Variants in ITGB5 observed in about 807,000 individuals in gnomAD.
ITGB5 encodes the protein integrin beta-5.
A neutral mutation model predicts 84.8 loss-of-function variants in ITGB5; 38 were observed. That is an observed-to-expected ratio of 0.45 (90% confidence interval 0.35 to 0.59). The LOEUF (loss-of-function observed/expected upper bound fraction) is 0.59. ITGB5 is among the 20% of genes least tolerant of loss of function. The pLI, the probability that ITGB5 is intolerant of heterozygous loss-of-function variation, is 0.01. For synonymous variants in ITGB5, 393 were observed against 414.4 expected, an observed-to-expected ratio of 0.95 and a Z score of 0.63; for missense variants, 905 against 1,034.5, an observed-to-expected ratio of 0.87 and a Z score of 1.72.
At chr3:124,831,002 AC>A in intron 5 of ITGB5, among the ~76,000 whole-genome samples, 1 of 152,256 alleles carries the variant, frequency 6.6e-6, no homozygotes, top group South Asian at 2.1e-4. Flanking sequence ...AACAACAACA[AC>A]AACAAAAAAA....
chr3:124,858,059 G>A (rs1360831364), intron 3 of ITGB5, among the ~76,000 whole-genome samples: 19 of 151,388 alleles, frequency 1.3e-4, no homozygotes, highest in African/African-American at 3.2e-4. Flanking sequence ...TCTTGAACCC[G>A]GGAGGTGAAG....
chr3:124,823,846 A>G (rs1049482038), intron 5 of ITGB5, among the ~76,000 whole-genome samples: 5 of 152,168 alleles, frequency 3.3e-5, no homozygotes, highest in African/African-American at 1.2e-4. Flanking sequence ...CTGTTATCCA[A>G]AAGGGCACAG....
At chr3:124,824,381 T>G (rs2064752755) in intron 5 of ITGB5, among the ~76,000 whole-genome samples, 1 of 152,168 alleles carries the variant, frequency 6.6e-6, no homozygotes, top group Non-Finnish European at 1.5e-5. Flanking sequence ...ACACAAAAAT[T>G]AACTCAAAGT....
At chr3:124,814,737 C>T (rs1037479583) in intron 8 of ITGB5, among the ~76,000 whole-genome samples, 2 of 152,144 alleles carry the variant, frequency 1.3e-5, no homozygotes, top group Admixed American at 6.5e-5. Context: ...TGAGCCACCA[C>T]GCCTGGTCAT....
chr3:124,865,455 G>GT (rs1355909109), intron 2 of ITGB5, among the ~76,000 whole-genome samples: 1 of 144,948 alleles, frequency 6.9e-6, no homozygotes, highest in Non-Finnish European at 1.5e-5. Context: ...GCAATAGAAA[G>GT]TTGAAGTGTC....
chr3:124,812,286 T>G (rs1343192951), intron 8 of ITGB5, among the ~76,000 whole-genome samples: 2 of 152,222 alleles, frequency 1.3e-5, no homozygotes, highest in Non-Finnish European at 2.9e-5. Flanking sequence ...CACTCCTTAG[T>G]TCTCCAGTAG....
intron 9 of ITGB5, among the ~76,000 whole-genome samples, chr3:124,797,079 C>T (rs1229115946): frequency 2.0e-5 from 3 of 152,228 alleles, no homozygotes; most frequent in Non-Finnish European, 4.4e-5. Flanking sequence ...ATCCCCATGA[C>T]CCTGAGGAAA....
chr3:124,820,294 A>C (rs987195262), intron 6 of ITGB5, among the ~76,000 whole-genome samples: 4 of 152,108 alleles, frequency 2.6e-5, no homozygotes, highest in Non-Finnish European at 5.9e-5. Context: ...AGGTCTGCCA[A>C]CATCCCCCAC....
At chr3:124,816,385 G>A (rs1210931173) in intron 8 of ITGB5, among the ~76,000 whole-genome samples, 1 of 152,230 alleles carries the variant, frequency 6.6e-6, no homozygotes, top group Non-Finnish European at 1.5e-5. Flanking sequence ...ACAGATGTGT[G>A]ATGCCGTACT....
In ITGB5 at chr3:124,856,590, T is replaced by C. The variant is rs146470472; in HGVS notation, c.361+2652A>G. 1.2e-3 allele frequency among the ~76,000 whole-genome samples: 184 copies of C among 152,146 alleles called. 1 individual carries two copies. The highest frequency in any genetic ancestry group is 4.2e-3 in the African/African-American group (176 of 41,512). On this transcript the variant is annotated intron_variant, in intron 3 of 14. Transcript: ENST00000296181. ...TACATTATGATAAGTATATGAAAAA[T>C]ACAAAAAGGTGAATAATACAGAGGA...
At position 124,806,495 on chromosome 3, in the gene ITGB5, G is replaced by A. The variant is rs1440794890; in HGVS notation, c.1263+2527C>T. Among the ~76,000 whole-genome samples, 5 of 140,302 alleles carry A rather than the reference G, an allele frequency of 3.6e-5. No individual in the cohort carries two copies. In the South Asian group the frequency reaches 7.2e-4, roughly 20 times the overall value. 92.0% of individuals were successfully genotyped at this position (140,302 alleles called of 152,430 possible). A position where few individuals can be genotyped will look rare whatever the true frequency, so the allele number is the denominator to read the frequency against. On this transcript the variant is annotated intron_variant, in intron 9 of 14. Transcript: ENST00000296181. The stretch of plus-strand genomic sequence containing the variant: ...GTCGCCCAGGCTGGAGTGCAGTGGC[G>A]CGATCTCGGCTCACTGCAAGCTCCG...
At chr3:124,863,435 A>T (rs1235141516) in intron 2 of ITGB5, 1 of 152,234 alleles carries the variant, frequency 6.6e-6, no homozygotes, top group Non-Finnish European at 1.5e-5. Context: ...CAAGAAAAGG[A>T]ACTGAGAGTG....
chr3:124,793,886 C>T (rs940033860), intron 10 of ITGB5, among the ~76,000 whole-genome samples: 5 of 152,234 alleles, frequency 3.3e-5, no homozygotes, highest in Admixed American at 6.5e-5. Flanking sequence ...CAGTTTTAGA[C>T]ATGCTGGTCC....
intron 5 of ITGB5, among the ~76,000 whole-genome samples, chr3:124,836,334 G>A (rs1159767506): frequency 6.6e-6 from 1 of 151,834 alleles, no homozygotes; most frequent in African/African-American, 2.4e-5. Context: ...TGGCCAACAT[G>A]GACAAACCAT....
At chr3:124,782,316 A>G (rs2064017076) in intron 10 of ITGB5, among the ~76,000 whole-genome samples, 1 of 152,218 alleles carries the variant, frequency 6.6e-6, no homozygotes, top group South Asian at 2.1e-4. Flanking sequence ...CTGTTTGACC[A>G]GAAGCCCATA....
intron 8 of ITGB5, among the ~76,000 whole-genome samples, chr3:124,812,241 T>C (rs1448565488): frequency 6.6e-6 from 1 of 152,172 alleles, no homozygotes; most frequent in Non-Finnish European, 1.5e-5. Flanking sequence ...CTCCTAAAAT[T>C]CCATTAACTC....
At position 124,822,273 on chromosome 3, in the gene ITGB5, G is replaced by C. The variant is rs540677826; in HGVS notation, c.781-799C>G. On this transcript the variant is annotated intron_variant, in intron 5 of 14. Coordinates refer to ENST00000296181, the MANE Select transcript of ITGB5 (RefSeq NM_002213.5). ...GCAGCTAGACCTTGATACAGAGCAA[G>C]AAACACTGGGATATGGTCGCCTTCA... Among the ~76,000 whole-genome samples, 10 of 152,356 alleles carry C rather than the reference G, an allele frequency of 6.6e-5. No individual in the cohort carries two copies. In the South Asian group the frequency reaches 1.7e-3, roughly 25 times the overall value.
intron 9 of ITGB5, among the ~76,000 whole-genome samples, chr3:124,808,134 G>A (rs1352165163): frequency 1.3e-5 from 2 of 152,050 alleles, no homozygotes; most frequent in Non-Finnish European, 2.9e-5. Context: ...CTGAAGCCAG[G>A]GGGATGAGTC....
At chr3:124,802,595 G>A (rs140129869) in intron 9 of ITGB5, among the ~76,000 whole-genome samples, 8 of 152,336 alleles carry the variant, frequency 5.3e-5, no homozygotes, top group Non-Finnish European at 2.9e-5. Context: ...AAGGGCCCAC[G>A]CTTACTCTAA....
Sources: gnomAD v4.1 joint callset for allele counts (sites outside exome capture counted in the v4.1 genomes callset) on GRCh38, gnomAD v4.1.1 for gene constraint, MANE v1.5 for transcripts, NCBI Gene and HGNC (gene_info 2026-07-23, HGNC 2026-07-21) for gene names.